The following CACNA2D3 variants were observed in gnomAD, a reference collection of about 807,000 sequenced individuals.
The protein encoded by CACNA2D3 is voltage-dependent calcium channel subunit alpha-2/delta-3.
Under a neutral mutation model 160.6 loss-of-function variants are expected in CACNA2D3, and 60 were observed. The observed-to-expected ratio is 0.37, with a 90% CI of 0.30 to 0.46. The LOEUF (loss-of-function observed/expected upper bound fraction) is 0.46, where lower values mean the gene tolerates loss of function less well. Ranked by LOEUF, CACNA2D3 falls within the 20% of genes least tolerant of loss-of-function variation. The pLI is 1.00. For missense variants in CACNA2D3, 1,205 were observed against 1,365.0 expected (o/e 0.88, Z 1.85); for synonymous variants, 558 against 492.9 (o/e 1.13, Z -1.75).
intron 4 of CACNA2D3, among the ~76,000 whole-genome samples, chr3:54,500,504 T>TCTTCCTTCCTTC (rs56816802): frequency 0.041 from 4,147 of 101,968 alleles, 348 homozygotes; most frequent in African/African-American, 0.12. Flanking sequence ...TTCCTTCCTA[T>TCTTCCTTCCTTC]CTTCCTTCCT....
chr3:54,847,396 AC>A (rs1181995969), intron 17 of CACNA2D3, among the ~76,000 whole-genome samples: 2 of 152,152 alleles, frequency 1.3e-5, no homozygotes, highest in African/African-American at 4.8e-5. Context: ...ATGCATACAT[AC>A]CCATCCACCC....
intron 4 of CACNA2D3, among the ~76,000 whole-genome samples, chr3:54,501,657 C>T (rs999274519): frequency 6.6e-6 from 1 of 151,744 alleles, no homozygotes; most frequent in Non-Finnish European, 1.5e-5. Context: ...TGGGCTCAAG[C>T]AATCCTCCTG....
intron 2 of CACNA2D3, among the ~76,000 whole-genome samples, chr3:54,318,930 T>A (rs1703928397): frequency 6.6e-6 from 1 of 152,098 alleles, no homozygotes. Flanking sequence ...GAGAGGGGTA[T>A]CTTGCTGCTC....
At chr3:55,033,829 A>AT (rs1703747475) in intron 35 of CACNA2D3, among the ~76,000 whole-genome samples, 1 of 46,596 alleles carries the variant, frequency 2.1e-5, no homozygotes. Context: ...AAATATATTT[A>AT]ATATATAATA....
chr3:54,660,846 G>A (rs1477190371), intron 11 of CACNA2D3, among the ~76,000 whole-genome samples: 1 of 152,106 alleles, frequency 6.6e-6, no homozygotes, highest in Non-Finnish European at 1.5e-5. Context: ...GTGGAGCTCG[G>A]TTCATTGTTT....
chr3:54,162,622 TTAAAAC>T (rs1384417904), intron 2 of CACNA2D3, among the ~76,000 whole-genome samples: 1 of 152,094 alleles, frequency 6.6e-6, no homozygotes, highest in Non-Finnish European at 1.5e-5. Context: ...TGGTATGAGT[TTAAAAC>T]TAACATGTAG....
chr3:54,406,384 A>G (rs1308796203), intron 4 of CACNA2D3, among the ~76,000 whole-genome samples: 1 of 152,130 alleles, frequency 6.6e-6, no homozygotes, highest in African/African-American at 2.4e-5. Context: ...TGTACACTAT[A>G]TATATTTCAG....
intron 1 of CACNA2D3, 124 bp downstream of exon 1, chr3:54,122,959 C>T (rs1699505348): frequency 7.6e-6 from 7 of 923,714 alleles, no homozygotes; most frequent in Middle Eastern, 4.1e-4. Context: ...CCTCGCCGCT[C>T]GCACCTGCCT....
intron 2 of CACNA2D3, among the ~76,000 whole-genome samples, chr3:54,145,648 C>G (rs546889700): frequency 1.3e-5 from 2 of 152,324 alleles, no homozygotes; most frequent in African/African-American, 4.8e-5. Context: ...TGCCCTGTGC[C>G]TGTCTTTAGC....
chr3:54,215,517 G>A (rs1402049062), intron 2 of CACNA2D3, among the ~76,000 whole-genome samples: 2 of 152,122 alleles, frequency 1.3e-5, no homozygotes, highest in Non-Finnish European at 2.9e-5. Flanking sequence ...CACACATGTG[G>A]GTTTGGCCTT....
chr3:54,935,526 C>T (rs1382060368), intron 27 of CACNA2D3, among the ~76,000 whole-genome samples: 2 of 152,108 alleles, frequency 1.3e-5, no homozygotes, highest in East Asian at 1.9e-4. Flanking sequence ...CACAGTGACA[C>T]GTTGTTTTAC....
intron 12 of CACNA2D3, among the ~76,000 whole-genome samples, chr3:54,759,042 A>G (rs1702032402): frequency 6.6e-6 from 1 of 152,238 alleles, no homozygotes; most frequent in Admixed American, 6.5e-5. Flanking sequence ...AAGTAAGGGT[A>G]ATATCTCAGA....
chr3:54,152,280 C>T (rs548667316), intron 2 of CACNA2D3, among the ~76,000 whole-genome samples: 24 of 152,256 alleles, frequency 1.6e-4, no homozygotes, highest in Admixed American at 3.3e-4. Context: ...TGGTTGAGTG[C>T]GCTACACGCC....
chr3:54,321,671 A>G (rs1703998879), intron 3 of CACNA2D3, among the ~76,000 whole-genome samples: 1 of 152,156 alleles, frequency 6.6e-6, no homozygotes, highest in South Asian at 2.1e-4. Context: ...CTGAGGTCAC[A>G]TGAGGAGTGA....
rs187551058 is a variant in CACNA2D3, at chr3:54,176,724, T to C, written c.204+53130T>C. Among the ~76,000 whole-genome samples, 291 of 152,348 alleles carry C rather than the reference T, an allele frequency of 1.9e-3. 1 individual carries two copies. The highest frequency in any genetic ancestry group is 1.6e-3 in the Non-Finnish European group (107 of 68,030). The stretch of plus-strand genomic sequence containing the variant: ...CAGTTTCAAAACTACCCTATACTTA[T>C]TCATTACCAGGTGATTTAAAGCCTT... On this transcript the variant is annotated intron_variant, in intron 2 of 37. Transcript: ENST00000474759.
At chr3:54,909,690 A>G (rs1159499263) in intron 27 of CACNA2D3, among the ~76,000 whole-genome samples, 1 of 142,704 alleles carries the variant, frequency 7.0e-6, no homozygotes, top group Non-Finnish European at 1.5e-5. Context: ...ATTAGTGTTA[A>G]TATATTTTGT....
intron 11 of CACNA2D3, among the ~76,000 whole-genome samples, chr3:54,711,929 A>G (rs1575435414): frequency 6.6e-6 from 1 of 152,288 alleles, no homozygotes; most frequent in Middle Eastern, 3.4e-3. Context: ...TAAATGCTAT[A>G]TGGTGAATAT....
intron 4 of CACNA2D3, among the ~76,000 whole-genome samples, chr3:54,461,269 A>G (rs892732217): frequency 3.3e-5 from 5 of 151,480 alleles, no homozygotes; most frequent in South Asian, 2.1e-4. Context: ...CAGCTTTGGT[A>G]TCAGGATGAT....
At position 54,718,910 on chromosome 3, in the gene CACNA2D3, G is replaced by A. The variant is rs534963413; in HGVS notation, c.1168-33689G>A. Among the ~76,000 whole-genome samples, 204 of 151,962 alleles carry A rather than the reference G, an allele frequency of 1.3e-3. 1 individual carries two copies. Among genetic ancestry groups the A allele is most frequent in the African/African-American group, 4.6e-3 (192 of 41,506 alleles). On this transcript the variant is annotated intron_variant, in intron 11 of 37. Coordinates refer to ENST00000474759, the MANE Select transcript of CACNA2D3 (RefSeq NM_018398.3). ...AAGGTTTATTACCAGGTATTTAAAA[G>A]GCTTTGCTGCAATTATATAATATAG...
Sources: gnomAD v4.1 joint callset for allele counts (sites outside exome capture counted in the v4.1 genomes callset) on GRCh38, gnomAD v4.1.1 for gene constraint, MANE v1.5 for transcripts, NCBI Gene and HGNC (gene_info 2026-07-23, HGNC 2026-07-21) for gene names.